Variants in TLCD2 observed in about 807,000 individuals in gnomAD.
TLCD2 encodes TLC domain containing 2, also known as TLC domain-containing protein 2.
Under a neutral mutation model 14.0 loss-of-function variants are expected in TLCD2, and 12 were observed. The ratio of observed to expected loss-of-function variants is 0.86; its 90% CI spans 0.55 to 1.39. The LOEUF (loss-of-function observed/expected upper bound fraction) is 1.39. Ranked by LOEUF, TLCD2 falls within the 40% of genes most tolerant of loss-of-function variation. The pLI is 0.00. For missense variants in TLCD2, 360 were observed against 346.8 expected (o/e 1.04, Z -0.30); for synonymous variants, 166 against 156.5 (o/e 1.06, Z -0.45).
chr17:1,707,948 C>G lies in TLCD2; in HGVS notation c.617G>C (p.Gly206Ala). 6.5e-7 allele frequency: 1 copy of G among 1,537,266 alleles called. No homozygotes were observed. The highest frequency in any genetic ancestry group is 8.7e-7 in the Non-Finnish European group (1 of 1,146,924). ...PLALVTLGGI[G>A]LVTVGIMSII... ...GCTCATGATGCCCACAGTGACCAGC[C>G]CAATTCCACCCAGGGTGACCAGAGC... The change falls in exon 4 of 4, where the codon GGG becomes GCG. Residue 206 changes from glycine to alanine, a missense_variant. Transcript: ENST00000330676.
Position 1,703,179 on chromosome 17 carries a change from TTG to T in TLCD2, c.*4589_*4590del, listed in dbSNP as rs1411520661. 1 of 152,158 alleles carries T rather than the reference TTG, an allele frequency of 6.6e-6. No homozygotes were observed. Among genetic ancestry groups the T allele is most frequent in the African/African-American group, 2.4e-5 (1 of 41,436 alleles). The allele number at this position is 152,158 out of a possible 1,614,324, so 9.4% of individuals were successfully genotyped here. On this transcript the variant is annotated 3_prime_UTR_variant, in exon 4 of 4. Coordinates refer to ENST00000330676, the MANE Select transcript of TLCD2 (RefSeq NM_001164407.2). ...TCCAATTCTCTGCCTACTTACTCAG[TTG>T]TAATCACAATCCAGTCCTGCCTTCC... is the stretch of plus-strand genomic sequence containing the variant.
chr17:1,709,806 A>G lies in TLCD2; in HGVS notation c.257T>C (p.Val86Ala). ...RWALVLVAVS[V>A]GYFLADGADL... ...CCCAGCCTTCCCTGCAGACTCACCC[A>G]CAGACACAGCCACCAGCACCAGAGC... The change falls in exon 2 of 4, where the codon GTG (valine) becomes GCG (alanine). Residue 86 changes from valine to alanine, a missense_variant and splice_region_variant. Physicochemically the swap from Val to Ala is moderately conservative, Grantham distance 64. Transcript: ENST00000330676. 6.6e-7 allele frequency: 1 copy of G among 1,523,096 alleles called. No individual in the cohort carries two copies. The highest frequency in any genetic ancestry group is 8.8e-7 in the Non-Finnish European group (1 of 1,135,662). 94.3% of individuals were successfully genotyped at this position (1,523,096 alleles called of 1,614,324 possible). A position where few individuals can be genotyped will look rare whatever the true frequency, so the allele number is the denominator to read the frequency against.
Position 1,709,784 on chromosome 17 carries a change from A to C in TLCD2, c.259+20T>G. The C allele has an allele frequency of 7.0e-7, 1 of 1,431,742 alleles. No homozygotes were observed. The highest frequency in any genetic ancestry group is 9.5e-7 in the Non-Finnish European group (1 of 1,052,278). The allele number at this position is 1,431,742 out of a possible 1,614,324, so 88.7% of individuals were successfully genotyped here. On this transcript the variant is annotated intron_variant, in intron 2 of 3. Coordinates refer to ENST00000330676, the MANE Select transcript of TLCD2 (RefSeq NM_001164407.2). ...CCCGCCCCATCCCCACCACCGGCCC[A>C]GCCTTCCCTGCAGACTCACCCACAG... is the stretch of plus-strand genomic sequence containing the variant.
intron 3 of TLCD2, among the ~76,000 whole-genome samples, chr17:1,708,449 C>T (rs1173158716): frequency 6.7e-6 from 1 of 150,058 alleles, no homozygotes; most frequent in East Asian, 1.9e-4. Flanking sequence ...CCCTAATACC[C>T]CCTTAACCTC....
Position 1,707,799 on chromosome 17 carries a change from T to A in TLCD2, c.766A>T (p.Asn256Tyr). Residue 256 changes from asparagine (N) to tyrosine (Y), a missense_variant, in exon 4 of 4, where the codon AAC becomes TAC. Asn to Tyr is a moderately radical substitution (Grantham distance 143). Coordinates refer to ENST00000330676, the MANE Select transcript of TLCD2 (RefSeq NM_001164407.2). The part of the protein sequence containing the change: ...TRRDNGPVTS[N>Y]SSTLSLKD ...TCTTTCAGGCTGAGAGTCGAACTGTTGCTGGTGACAGGTCCATTGTCACGA... is the reference window on the plus strand; with the variant it reads ...TCTTTCAGGCTGAGAGTCGAACTGTAGCTGGTGACAGGTCCATTGTCACGA... The A allele has an allele frequency of 6.6e-7, 1 of 1,509,436 alleles. No individual in the cohort carries two copies. The highest frequency in any genetic ancestry group is 8.8e-7 in the Non-Finnish European group (1 of 1,131,006). 93.5% of individuals were successfully genotyped at this position (1,509,436 alleles called of 1,614,324 possible). A position where few individuals can be genotyped will look rare whatever the true frequency, so the allele number is the denominator to read the frequency against.
In TLCD2 at chr17:1,710,337, G is replaced by A. The variant is rs1202055690; in HGVS notation, c.-95C>T. The A allele has an allele frequency of 8.5e-7, 1 of 1,177,738 alleles. No individual in the cohort carries two copies. The highest frequency in any genetic ancestry group is 1.6e-5 in the African/African-American group (1 of 60,964). 73.0% of individuals were successfully genotyped at this position (1,177,738 alleles called of 1,614,324 possible). A position where few individuals can be genotyped will look rare whatever the true frequency, so the allele number is the denominator to read the frequency against. ...TGGGAACCCGTTTCCCGGCAGGGCT[G>A]GGGCCCCGGCTCCCCTCCCCGCCGC... On this transcript the variant is annotated 5_prime_UTR_variant, in exon 1 of 4. Coordinates refer to ENST00000330676, the MANE Select transcript of TLCD2 (RefSeq NM_001164407.2). The surrounding 1 kb of genome is among the most constrained non-coding windows in gnomAD (Gnocchi z 6.1).
In TLCD2 at chr17:1,708,118, C is replaced by T. The variant is rs1914094837; in HGVS notation, c.447G>A (p.Lys149=). Residue 149 remains lysine (K), a synonymous_variant, in exon 4 of 4, where the codon AAG becomes AAA. Coordinates refer to ENST00000330676, the MANE Select transcript of TLCD2 (RefSeq NM_001164407.2). ...ELNSACLHLR[K]LLLLSRQAPS... ...GGGCCTGGCGAGAAAGCAACAGCAG[C>T]TTCCGCAGGTGCAAGCAGGCAGAGT... 5 of 1,536,916 alleles carry T rather than the reference C, an allele frequency of 3.3e-6. No homozygotes were observed. The highest frequency in any genetic ancestry group is 4.4e-6 in the Non-Finnish European group (5 of 1,146,896).
rs1180885787 is a variant in TLCD2 at position 1,709,832 on chromosome 17, C to T, written c.231G>A (p.Trp77Ter). 1.3e-6 allele frequency: 2 copies of T among 1,534,936 alleles called. No individual in the cohort carries two copies. The highest frequency in any genetic ancestry group is 1.4e-5 in the African/African-American group (1 of 73,022). ...CAGACACAGCCACCAGCACCAGAGC[C>T]CAGCGCGGGTGGCCATGGATGGGGT... ...AADPIHGHPR[W>*]ALVLVAVSVG... Residue 77 changes from tryptophan to a stop codon, truncating the protein, a stop_gained, in exon 2 of 4, where the codon TGG becomes TGA. Coordinates refer to ENST00000330676, the MANE Select transcript of TLCD2 (RefSeq NM_001164407.2). LOFTEE classifies it high-confidence loss of function.
chr17:1,707,899 C>CAATACGTG lies in TLCD2; in HGVS notation c.665_666insCACGTATT (p.Val223ThrfsTer43), dbSNP rs1307400592. ...GTCGAGACTGTAGGACATCATTGAC[C>CAATACGTG]AGAATACGGATCCCCAATATGATGC... On this transcript the variant is annotated frameshift_variant, in exon 4 of 4. Coordinates refer to ENST00000330676, the MANE Select transcript of TLCD2 (RefSeq NM_001164407.2). LOFTEE classifies it low-confidence loss of function (END_TRUNC). 1.3e-6 allele frequency: 2 copies of CAATACGTG among 1,537,312 alleles called. No homozygotes were observed. The highest frequency in any genetic ancestry group is 3.9e-5 in the Admixed American group (2 of 50,982).
intron 1 of TLCD2, 28 bp from the exon 2 acceptor site, chr17:1,709,914 G>T: frequency 3.9e-6 from 6 of 1,522,654 alleles, no homozygotes; most frequent in East Asian, 4.9e-5. Flanking sequence ...GGACATGGGG[G>T]GGGGCATGGT....
chr17:1,708,718 C>T (rs1436505185), intron 3 of TLCD2, among the ~76,000 whole-genome samples: 3 of 152,052 alleles, frequency 2.0e-5, no homozygotes, highest in Non-Finnish European at 2.9e-5. Flanking sequence ...CTCCTGACCT[C>T]GTGATCCACC....
At position 1,710,055 on chromosome 17, in the gene TLCD2, C is replaced by G; in HGVS notation, c.176+12G>C. 1.3e-6 allele frequency: 2 copies of G among 1,532,350 alleles called. No individual in the cohort carries two copies. Among genetic ancestry groups the G allele is most frequent in the South Asian group, 2.4e-5 (2 of 83,862 alleles). 94.9% of individuals were successfully genotyped at this position (1,532,350 alleles called of 1,614,324 possible). A position where few individuals can be genotyped will look rare whatever the true frequency, so the allele number is the denominator to read the frequency against. On this transcript the variant is annotated intron_variant, in intron 1 of 3. Coordinates refer to ENST00000330676, the MANE Select transcript of TLCD2 (RefSeq NM_001164407.2). This position sits in a 1 kb window ranked among gnomAD's most constrained non-coding sequence, Gnocchi z 6.1. ...CCCTCGCCCCGTGCGCCTCGAGCCC[C>G]CAAGCCCGCACCCGAGCAGCGCCCC...
Position 1,706,787 on chromosome 17 carries a change from AAAAAAGAAAAG to A in TLCD2, c.*972_*982del, listed in dbSNP as rs1209210928. 6.8e-6 allele frequency: 1 copy of A among 147,776 alleles called. No homozygotes were observed. Among genetic ancestry groups the A allele is most frequent in the African/African-American group, 2.5e-5 (1 of 40,250 alleles). 9.2% of individuals were successfully genotyped at this position (147,776 alleles called of 1,614,324 possible). ...AGAACTTGTCTCAAAAAAAAAAAAA[AAAAAAGAAAAG>A]AAAAAAGAAAAGTCAAAAGATACTA... On this transcript the variant is annotated 3_prime_UTR_variant, in exon 4 of 4. Coordinates refer to ENST00000330676, the MANE Select transcript of TLCD2 (RefSeq NM_001164407.2).
intron 2 of TLCD2, 63 bp downstream of exon 2, chr17:1,709,741 G>A: frequency 7.8e-7 from 1 of 1,288,706 alleles, no homozygotes; most frequent in Non-Finnish European, 1.1e-6. Flanking sequence ...GGACCTGGAA[G>A]GACAGCAGAA....
chr17:1,708,138 C>A lies in TLCD2; in HGVS notation c.427G>T (p.Ala143Ser). ...AGCAGCTTCCGCAGGTGCAAGCAGG[C>A]AGAGTTCAGTTCCAGGAGCAGAGAC... is the stretch of plus-strand genomic sequence containing the variant. Reference protein sequence around the residue: ...MVSLLLELNSACLHLRKLLLL... With the variant: ...MVSLLLELNSSCLHLRKLLLL... Residue 143 changes from alanine to serine, a missense_variant, in exon 4 of 4, where the codon GCC (alanine) becomes TCC (serine). Coordinates refer to ENST00000330676, the MANE Select transcript of TLCD2 (RefSeq NM_001164407.2). 1 of 1,536,900 alleles carries A rather than the reference C, an allele frequency of 6.5e-7. No individual in the cohort carries two copies. Among genetic ancestry groups the A allele is most frequent in the Non-Finnish European group, 8.7e-7 (1 of 1,146,900 alleles).
In TLCD2 at chr17:1,703,345, C is replaced by T. The variant is rs1385441983; in HGVS notation, c.*4425G>A. The T allele has an allele frequency of 2.6e-5, 4 of 152,170 alleles. No individual in the cohort carries two copies. Among genetic ancestry groups the T allele is most frequent in the Non-Finnish European group, 5.9e-5 (4 of 68,036 alleles). The allele number at this position is 152,170 out of a possible 1,614,324, so 9.4% of individuals were successfully genotyped here. On this transcript the variant is annotated 3_prime_UTR_variant, in exon 4 of 4. Transcript: ENST00000330676. ...TGACTAGTTAATCCACAGAAACAGCCATGTTTCCCTAATGGTCAAGTTCTT... is the reference window on the plus strand; with the variant it reads ...TGACTAGTTAATCCACAGAAACAGCTATGTTTCCCTAATGGTCAAGTTCTT...
At chr17:1,709,065 G>T (rs1462306063) in intron 3 of TLCD2, among the ~76,000 whole-genome samples, 1 of 152,172 alleles carries the variant, frequency 6.6e-6, no homozygotes, top group Non-Finnish European at 1.5e-5. Flanking sequence ...CCAGCTGGGG[G>T]CAGAGACTGT....
chr17:1,705,044 T>A lies in TLCD2; in HGVS notation c.*2726A>T, dbSNP rs1408852198. 6.6e-6 allele frequency: 1 copy of A among 152,090 alleles called. No homozygotes were observed. Among genetic ancestry groups the A allele is most frequent in the African/African-American group, 2.4e-5 (1 of 41,420 alleles). The allele number at this position is 152,090 out of a possible 1,614,324, so 9.4% of individuals were successfully genotyped here. On this transcript the variant is annotated 3_prime_UTR_variant, in exon 4 of 4. Transcript: ENST00000330676. ...CTGTGCTCTCCTCCTTTTTTTTCTCTCTGTGATTCTCTTTGTCAGCTCCTT... is the reference window on the plus strand; with the variant it reads ...CTGTGCTCTCCTCCTTTTTTTTCTCACTGTGATTCTCTTTGTCAGCTCCTT...
chr17:1,709,759 C>G (rs1483190023), intron 2 of TLCD2, 45 bp downstream of exon 2: 2 of 1,359,358 alleles, frequency 1.5e-6, no homozygotes, highest in Non-Finnish European at 2.0e-6. Flanking sequence ...GAACCTGCCC[C>G]CCGCCCCATC....
Sources: gnomAD v4.1 joint callset for allele counts (sites outside exome capture counted in the v4.1 genomes callset) on GRCh38, gnomAD v4.1.1 for gene constraint, Gnocchi (gnomAD v3.1) non-coding constraint, MANE v1.5 for transcripts, NCBI Gene and HGNC (gene_info 2026-07-23, HGNC 2026-07-21) for gene names.